TF: variants seen among roughly 807,000 people sequenced by gnomAD.
TF encodes the protein transferrin, also known as serotransferrin.
TF carries 55 observed loss-of-function variants against 82.4 expected under a neutral mutation model. The observed-to-expected ratio is 0.67, with a 90% confidence interval of 0.54 to 0.84. The LOEUF is 0.84. TF is among the 40% of genes least tolerant of loss of function. The pLI, the probability that TF is intolerant of heterozygous loss-of-function variation, is 0.00. For synonymous variants in TF, 332 were observed against 332.6 expected (o/e 1.00, Z 0.02); for missense variants, 737 against 868.4 (o/e 0.85, Z 1.90).
chr3:133,730,554 A>T, the TF span, among the ~76,000 whole-genome samples: 1 of 152,222 alleles, frequency 6.6e-6, no homozygotes, highest in Non-Finnish European at 1.5e-5. Flanking sequence ...CCCTGGTCCA[A>T]CAGGGGTCTT....
the TF span, among the ~76,000 whole-genome samples, chr3:133,733,826 T>C: frequency 6.6e-6 from 1 of 151,830 alleles, no homozygotes; most frequent in Non-Finnish European, 1.5e-5. Context: ...TTCATTTCCC[T>C]GCCTTTCTCT....
At chr3:133,671,012 A>G in the TF span, among the ~76,000 whole-genome samples, 1 of 152,254 alleles carries the variant, frequency 6.6e-6, no homozygotes, top group African/African-American at 2.4e-5. Flanking sequence ...ACAAAGGGCC[A>G]GTTTTCTCCT....
chr3:133,719,760 C>A, the TF span, among the ~76,000 whole-genome samples: 1 of 151,926 alleles, frequency 6.6e-6, no homozygotes, highest in African/African-American at 2.4e-5. Flanking sequence ...GATGTCTTCC[C>A]GTTTATTTGT....
chr3:133,743,077 G>T (rs955280025), upstream of TF, among the ~76,000 whole-genome samples: 1 of 152,162 alleles, frequency 6.6e-6, no homozygotes, highest in East Asian at 1.9e-4. Flanking sequence ...TCAATATCAA[G>T]AAGGCAGCTG....
At chr3:133,767,949 A>G in intron 12 of TF, 80 bp from the exon 13 acceptor site, 1 of 1,556,192 alleles carries the variant, frequency 6.4e-7, no homozygotes, top group Non-Finnish European at 8.9e-7. Flanking sequence ...ATTATGGGCC[A>G]TGCAGCCCTG....
At position 133,781,312 on chromosome 3, in the gene TF, G is replaced by A. The variant is rs1934512643; in HGVS notation, c.*2692G>A. 6.6e-6 allele frequency: 1 copy of A among 151,838 alleles called. No individual in the cohort carries two copies. Among genetic ancestry groups the A allele is most frequent in the Admixed American group, 6.6e-5 (1 of 15,236 alleles). The allele number at this position is 151,838 out of a possible 1,614,324, so 9.4% of individuals were successfully genotyped here. A position where few individuals can be genotyped will look rare whatever the true frequency, so the allele number is the denominator to read the frequency against. On this transcript the variant is annotated 3_prime_UTR_variant, in exon 17 of 17. Coordinates refer to ENST00000402696, the MANE Select transcript of TF (RefSeq NM_001063.4). ...GTCTAGACAACAAGAGCAAAACTCT[G>A]TCTCAAAATAATAAAAATAATAATA...
chr3:133,702,331 C>G, the TF span, among the ~76,000 whole-genome samples: 1 of 151,918 alleles, frequency 6.6e-6, no homozygotes, highest in African/African-American at 2.4e-5. Context: ...AGGGGAGTGT[C>G]TTGCCTAGGA....
At chr3:133,667,970 T>C in the TF span, among the ~76,000 whole-genome samples, 2 of 152,244 alleles carry the variant, frequency 1.3e-5, no homozygotes, top group African/African-American at 4.8e-5. Context: ...ACAACTCGCA[T>C]TGCAATCATC....
chr3:133,680,453 C>T, the TF span, among the ~76,000 whole-genome samples: 1 of 152,172 alleles, frequency 6.6e-6, no homozygotes, highest in Admixed American at 6.5e-5. Flanking sequence ...AATCCTTCAG[C>T]CTCAACCTCC....
Position 133,759,279 on chromosome 3 carries a change from A to T in TF, c.1153A>T (p.Ile385Leu), listed in dbSNP as rs745325014. 9.3e-6 allele frequency: 15 copies of T among 1,613,128 alleles called. No homozygotes were observed. Among genetic ancestry groups the T allele is most frequent in the Non-Finnish European group, 1.3e-5 (15 of 1,179,698 alleles). Residue 385 changes from isoleucine (I) to leucine (L), a missense_variant, in exon 9 of 17, where the codon ATA becomes TTA. Coordinates refer to ENST00000402696, the MANE Select transcript of TF (RefSeq NM_001063.4). ...DEWSVNSVGK[I>L]ECVSAETTED... Reference sequence around the variant, plus strand: ...GTGGAGTGTTAACAGTGTAGGGAAAATAGAGTGTGTATCAGCAGAGACCAC... The same window carrying T: ...GTGGAGTGTTAACAGTGTAGGGAAATTAGAGTGTGTATCAGCAGAGACCAC...
chr3:133,777,425 G>A, intron 16 of TF, 187 bp downstream of exon 16: 1 of 611,044 alleles, frequency 1.6e-6, no homozygotes, highest in Non-Finnish European at 2.9e-6. Flanking sequence ...AGATAGTAAG[G>A]GGATACAGGC....
At chr3:133,662,715 G>A in the TF span, among the ~76,000 whole-genome samples, 534 of 152,142 alleles carry the variant, frequency 3.5e-3, 1 homozygote, top group African/African-American at 0.012. Flanking sequence ...CTGATTCGTT[G>A]TTGCTTCTTT....
At chr3:133,766,777 A>G (rs898914226) in intron 12 of TF, among the ~76,000 whole-genome samples, 1 of 152,204 alleles carries the variant, frequency 6.6e-6, no homozygotes, top group African/African-American at 2.4e-5. Flanking sequence ...TATTCTGAGC[A>G]TAAGACTTCC....
At chr3:133,716,462 C>T in the TF span, among the ~76,000 whole-genome samples, 2 of 152,134 alleles carry the variant, frequency 1.3e-5, no homozygotes, top group Non-Finnish European at 2.9e-5. Context: ...CTGTGCCTGC[C>T]CTTGTTCTCT....
At chr3:133,677,421 G>A in the TF span, among the ~76,000 whole-genome samples, 1 of 152,104 alleles carries the variant, frequency 6.6e-6, no homozygotes, top group African/African-American at 2.4e-5. Flanking sequence ...GGTGGATCAC[G>A]AGGTCAGGAG....
chr3:133,664,640 A>G, the TF span, among the ~76,000 whole-genome samples: 1 of 152,208 alleles, frequency 6.6e-6, no homozygotes, highest in African/African-American at 2.4e-5. Flanking sequence ...ACTTTAAATA[A>G]TCACTAGGTT....
chr3:133,679,952 GGT>G, the TF span, among the ~76,000 whole-genome samples: 1 of 152,124 alleles, frequency 6.6e-6, no homozygotes, highest in East Asian at 1.9e-4. Flanking sequence ...AGTGCTTGGT[GGT>G]GTCAGTCTTT....
At chr3:133,697,982 A>C in the TF span, among the ~76,000 whole-genome samples, 3 of 152,230 alleles carry the variant, frequency 2.0e-5, no homozygotes, top group Non-Finnish European at 4.4e-5. Flanking sequence ...ATTAGGCAGC[A>C]TATAGGCCAC....
chr3:133,774,586 G>A lies in TF; in HGVS notation c.1688-847G>A, dbSNP rs191371310. On this transcript the variant is annotated intron_variant, in intron 14 of 16. Transcript: ENST00000402696. The stretch of plus-strand genomic sequence containing the variant: ...AAATACATATAATGAGCCGTGGATG[G>A]AAACTCGCAAATGTGATATTAAAGA... 4.6e-3 allele frequency: 697 copies of A among 152,802 alleles called. 7 individuals are homozygous for A. The highest frequency in any genetic ancestry group is 0.01 in the Middle Eastern group (3 of 294). 9.5% of individuals were successfully genotyped at this position (152,802 alleles called of 1,614,324 possible). A position where few individuals can be genotyped will look rare whatever the true frequency, so the allele number is the denominator to read the frequency against.
Sources: gnomAD v4.1 joint callset for allele counts (sites outside exome capture counted in the v4.1 genomes callset) on GRCh38, gnomAD v4.1.1 for gene constraint, MANE v1.5 for transcripts, NCBI Gene and HGNC (gene_info 2026-07-23, HGNC 2026-07-21) for gene names.